The following RBFOX1 variants were observed in gnomAD, a reference collection of about 807,000 sequenced individuals.
RBFOX1 encodes the protein RNA binding protein fox-1 homolog 1.
In RBFOX1, 8 loss-of-function variants were observed where a neutral mutation model predicts 57.7. The observed-to-expected ratio is 0.14, with a 90% CI of 0.08 to 0.25. RBFOX1 has a LOEUF of 0.25. RBFOX1 is among the 10% of genes least tolerant of loss of function. The pLI is 1.00. For missense variants in RBFOX1, 611 were observed against 548.5 expected (o/e 1.11, Z -1.14); for synonymous variants, 326 against 222.4 (o/e 1.47, Z -4.15).
chr16:6,659,106 T>G (rs578156408), intron 3 of RBFOX1, among the ~76,000 whole-genome samples: 2 of 152,176 alleles, frequency 1.3e-5, no homozygotes, highest in African/African-American at 4.8e-5. Context: ...CTGAAGCATT[T>G]AAATTCATTT....
At chr16:6,122,169 G>A (rs2096555197) in intron 1 of RBFOX1, among the ~76,000 whole-genome samples, 1 of 152,120 alleles carries the variant, frequency 6.6e-6, no homozygotes, top group Non-Finnish European at 1.5e-5. Context: ...GTCTTCTAAA[G>A]TGCTGGGATT....
At chr16:7,260,986 A>T (rs1042831730) in intron 4 of RBFOX1, among the ~76,000 whole-genome samples, 7 of 152,272 alleles carry the variant, frequency 4.6e-5, no homozygotes, top group African/African-American at 1.7e-4. Context: ...ATGGCAAAAG[A>T]TTTGAGTCAC....
intron 2 of RBFOX1, among the ~76,000 whole-genome samples, chr16:6,341,445 T>C (rs908339128): frequency 5.9e-5 from 9 of 152,164 alleles, no homozygotes; most frequent in African/African-American, 2.2e-4. Flanking sequence ...TCCTAGCCTC[T>C]AGATATTTAC....
chr16:5,612,692 C>T (rs1236918646), intron 3 of RBFOX1, among the ~76,000 whole-genome samples: 1 of 152,196 alleles, frequency 6.6e-6, no homozygotes, highest in Admixed American at 6.5e-5. Flanking sequence ...TGCAAAGGCC[C>T]TGTGGCCAGA....
intron 2 of RBFOX1, among the ~76,000 whole-genome samples, chr16:5,545,989 A>G (rs1406265421): frequency 6.6e-6 from 1 of 152,196 alleles, no homozygotes; most frequent in African/African-American, 2.4e-5. Context: ...TAGAACAGTA[A>G]GATAATTATA....
chr16:5,506,565 A>G (rs1043423235), intron 2 of RBFOX1, among the ~76,000 whole-genome samples: 5 of 152,212 alleles, frequency 3.3e-5, no homozygotes, highest in African/African-American at 9.7e-5. Flanking sequence ...CTGGAGGTGC[A>G]GCCAGCCTAG....
At chr16:7,301,992 C>T (rs1393412740) in intron 4 of RBFOX1, among the ~76,000 whole-genome samples, 1 of 152,120 alleles carries the variant, frequency 6.6e-6, no homozygotes, top group East Asian at 1.9e-4. Flanking sequence ...AAGCTTGTCC[C>T]ATGAATGTGA....
chr16:6,865,862 T>G lies in RBFOX1; in HGVS notation c.-15-186195T>G, dbSNP rs372061173. ...TCTCTCTTTTTTGCGTGTAGGCTTA[T>G]TTCTTCCTGACAAGTCTTTTGCCTT... On this transcript the variant is annotated intron_variant, in intron 3 of 15. Transcript: ENST00000550418. Among the ~76,000 whole-genome samples the G allele has an allele frequency of 9.2e-5, 14 of 152,308 alleles. No individual in the cohort carries two copies. In the East Asian group the frequency reaches 1.5e-3, roughly 17 times the overall value.
At position 7,548,130 on chromosome 16, in the gene RBFOX1, G is replaced by A. The variant is rs117781198; in HGVS notation, c.270+29741G>A. ...CCTGTGCAATATTTTGAAACAAACC[G>A]AGGAGTTATTCACGTCATATTCTTT... On this transcript the variant is annotated intron_variant, in intron 5 of 15. Coordinates refer to ENST00000550418, the MANE Select transcript of RBFOX1 (RefSeq NM_018723.4). Among the ~76,000 whole-genome samples the A allele has an allele frequency of 4.6e-4, 70 of 152,230 alleles. 1 individual carries two copies. In the East Asian group the frequency reaches 0.012, roughly 26 times the overall value.
chr16:6,830,161 C>T (rs1415572251), intron 3 of RBFOX1, among the ~76,000 whole-genome samples: 3 of 152,074 alleles, frequency 2.0e-5, no homozygotes, highest in Non-Finnish European at 4.4e-5. Context: ...AGGTGATCTG[C>T]CCACCTAAGC....
chr16:5,903,832 C>G (rs181069852), intron 4 of RBFOX1, among the ~76,000 whole-genome samples: 2 of 152,096 alleles, frequency 1.3e-5, no homozygotes, highest in African/African-American at 4.8e-5. Flanking sequence ...GTTTTCATTG[C>G]GAGGGACCAT....
Position 5,700,541 on chromosome 16 carries a change from T to C in RBFOX1, c.318+101580T>C, listed in dbSNP as rs532570392. 1.6e-4 allele frequency among the ~76,000 whole-genome samples: 24 copies of C among 152,334 alleles called. 1 individual carries two copies. Among genetic ancestry groups the C allele is most frequent in the African/African-American group, 5.8e-4 (24 of 41,580 alleles). ...GCTTTTAAGATCTTTACAATTCTTT[T>C]GGTTATGCAGTTTCACTGTGGTGTA... On this transcript the variant is annotated intron_variant, in intron 3 of 19. Coordinates refer to the RBFOX1 transcript ENST00000641259.
chr16:6,220,194 G>A (rs1449512478), intron 1 of RBFOX1, among the ~76,000 whole-genome samples: 1 of 151,912 alleles, frequency 6.6e-6, no homozygotes, highest in African/African-American at 2.4e-5. Flanking sequence ...GTGTCTGTGG[G>A]TGTGTGTATA....
intron 2 of RBFOX1, among the ~76,000 whole-genome samples, chr16:5,582,000 G>A (rs927518831): frequency 6.6e-6 from 1 of 152,232 alleles, no homozygotes; most frequent in African/African-American, 2.4e-5. Context: ...CATTTAAGCA[G>A]CAGTTGTTTC....
intron 3 of RBFOX1, among the ~76,000 whole-genome samples, chr16:6,884,910 A>G (rs988269536): frequency 9.2e-5 from 14 of 152,184 alleles, no homozygotes; most frequent in Admixed American, 8.5e-4. Flanking sequence ...ACAAACAAAC[A>G]AAACAAAAAA....
chr16:6,807,173 G>A (rs113879191), intron 3 of RBFOX1, among the ~76,000 whole-genome samples: 1 of 151,886 alleles, frequency 6.6e-6, no homozygotes, highest in Admixed American at 6.6e-5. Flanking sequence ...TACAATGTGA[G>A]AAACAGATTG....
rs74830381 is a variant in RBFOX1 at position 6,794,270 on chromosome 16, C to A, written c.-16+139620C>A. ...TTTGCTCCATGTTGTGTGTTGTTTT[C>A]TTGTTCGTGATTTTTTTTTTTTTTT... On this transcript the variant is annotated intron_variant, in intron 3 of 15. Coordinates refer to ENST00000550418, the MANE Select transcript of RBFOX1 (RefSeq NM_018723.4). 1.5e-3 allele frequency among the ~76,000 whole-genome samples: 197 copies of A among 130,136 alleles called. 5 individuals are homozygous for A. In the East Asian group the frequency reaches 0.047, roughly 31 times the overall value. The allele number at this position is 130,136 out of a possible 152,430, so 85.4% of individuals were successfully genotyped here.
At chr16:5,523,844 G>A (rs182316902) in intron 2 of RBFOX1, among the ~76,000 whole-genome samples, 58 of 152,286 alleles carry the variant, frequency 3.8e-4, no homozygotes, top group African/African-American at 1.4e-3. Context: ...AGCGGCCCCT[G>A]GAGGACCAGG....
intron 3 of RBFOX1, among the ~76,000 whole-genome samples, chr16:5,767,840 A>G (rs13337160): frequency 0.5 from 75,842 of 151,754 alleles, 20,400 homozygotes; most frequent in African/African-American, 0.69. Context: ...CCTCCCCCTC[A>G]CTCAGCATAA....
Sources: allele counts gnomAD v4.1 joint callset (sites outside exome capture counted in the v4.1 genomes callset), GRCh38; gene constraint gnomAD v4.1.1; transcripts MANE v1.5; gene names NCBI Gene and HGNC (gene_info 2026-07-23, HGNC 2026-07-21).